ZBTB21: variants seen among roughly 807,000 people sequenced by gnomAD.
The protein encoded by ZBTB21 is zinc finger and BTB domain-containing protein 21.
A neutral mutation model predicts 39.8 loss-of-function variants in ZBTB21; 10 were observed. The observed-to-expected ratio is 0.25, with a 90% CI of 0.16 to 0.43. The LOEUF is 0.43. Ranked by LOEUF, ZBTB21 falls within the 20% of genes least tolerant of loss-of-function variation. The pLI is 1.00. For synonymous variants in ZBTB21, 551 were observed against 498.8 expected (o/e 1.10, Z -1.40); for missense variants, 1,221 against 1,296.3 (o/e 0.94, Z 0.89).
chr21:42,004,766 C>CAAATA (rs2065859414), intron 1 of ZBTB21, among the ~76,000 whole-genome samples: 1 of 152,120 alleles, frequency 6.6e-6, no homozygotes, highest in African/African-American at 2.4e-5. Context: ...TAACACAAGG[C>CAAATA]AAATACCTAG....
rs149412823 is a variant in ZBTB21 at position 41,993,265 on chromosome 21, T to C, written c.831A>G (p.Pro277=). 5.2e-4 allele frequency: 835 copies of C among 1,611,832 alleles called. 5 individuals are homozygous for C. The African/African-American group carries it at 9.2e-3, about 18-fold the overall frequency. ...ATGAGCTACAAACAGACAAAACAGG[T>C]GGCCGTGGTCTCTTCAAAGCCAGCT... is the stretch of plus-strand genomic sequence containing the variant. ...ALELALKRPR[P]PVLSVCSSSE... is the part of the protein sequence containing the mutation. The change falls in exon 3 of 3, where the codon CCA becomes CCG. Residue 277 remains proline, a synonymous_variant. Coordinates refer to ENST00000310826, the MANE Select transcript of ZBTB21 (RefSeq NM_001098402.2).
chr21:41,994,209 A>G, intron 2 of ZBTB21, 101 bp from the exon 3 acceptor site: 1 of 993,280 alleles, frequency 1.0e-6, no homozygotes, highest in Non-Finnish European at 1.5e-6. Context: ...AGGTACCAAT[A>G]TTTAGCAGAC....
intron 2 of ZBTB21, among the ~76,000 whole-genome samples, chr21:41,999,727 A>T (rs1438242149): frequency 6.6e-6 from 1 of 152,228 alleles, no homozygotes; most frequent in Non-Finnish European, 1.5e-5. Flanking sequence ...ATGGAGATAA[A>T]TGGAGGAAGA....
rs1409523712 is a variant in ZBTB21 at position 41,989,175 on chromosome 21, G to A, written c.*1720C>T. 6.6e-6 allele frequency: 1 copy of A among 151,974 alleles called. No homozygotes were observed. The highest frequency in any genetic ancestry group is 1.5e-5 in the Non-Finnish European group (1 of 67,950). The allele number at this position is 151,974 out of a possible 1,614,324, so 9.4% of individuals were successfully genotyped here. On this transcript the variant is annotated 3_prime_UTR_variant, in exon 3 of 3. Coordinates refer to ENST00000310826, the MANE Select transcript of ZBTB21 (RefSeq NM_001098402.2). ...ATAGGAAGTTAACTACTAAAATATT[G>A]TGGAATTTTGGAGTTTTTTCAAGTG...
Position 41,991,181 on chromosome 21 carries a change from G to T in ZBTB21, c.2915C>A (p.Ser972Tyr), listed in dbSNP as rs2065647595. The change falls in exon 3 of 3, where the codon TCT becomes TAT. Residue 972 changes from serine to tyrosine, a missense_variant. Physicochemically the swap from Ser to Tyr is moderately radical, Grantham distance 144. Coordinates refer to ENST00000310826, the MANE Select transcript of ZBTB21 (RefSeq NM_001098402.2). This position sits in a 1 kb window ranked among gnomAD's most constrained non-coding sequence, Gnocchi z 4.9. ...GTTTGTGGGAACAGGGCACACCTCA[G>T]ATTCCTTATGTGCCGATTCCTCTGA... ...QASEESAHKE[S>Y]EVCPVPTNSP... 8 of 1,614,046 alleles carry T rather than the reference G, an allele frequency of 5.0e-6. No individual in the cohort carries two copies. The highest frequency in any genetic ancestry group is 1.1e-5 in the South Asian group (1 of 91,074).
intron 2 of ZBTB21, among the ~76,000 whole-genome samples, chr21:41,996,725 C>T (rs1300793523): frequency 1.3e-5 from 2 of 152,174 alleles, no homozygotes; most frequent in Non-Finnish European, 2.9e-5. Context: ...TACAGTTTGG[C>T]TGTGTCCCCA....
intron 1 of ZBTB21, among the ~76,000 whole-genome samples, chr21:42,004,227 T>C (rs1430635662): frequency 6.6e-6 from 1 of 152,142 alleles, no homozygotes. Flanking sequence ...CTCGAACTCC[T>C]GACCTCAGGC....
At chr21:42,004,305 C>G (rs200239164) in intron 1 of ZBTB21, among the ~76,000 whole-genome samples, 1 of 152,112 alleles carries the variant, frequency 6.6e-6, no homozygotes, top group Non-Finnish European at 1.5e-5. Flanking sequence ...TATGAGCCAC[C>G]GCGCCCGGCC....
chr21:42,008,716 G>A (rs1007961553), intron 1 of ZBTB21, among the ~76,000 whole-genome samples: 1 of 152,010 alleles, frequency 6.6e-6, no homozygotes, highest in South Asian at 2.1e-4. Flanking sequence ...GAGGGCAGGG[G>A]TTATATCTTC....
At chr21:42,009,890 C>G (rs997695052) in intron 1 of ZBTB21, among the ~76,000 whole-genome samples, 2 of 152,186 alleles carry the variant, frequency 1.3e-5, no homozygotes, top group African/African-American at 4.8e-5. Context: ...CCGCTCCGCG[C>G]GAGGGGCGCG....
intron 1 of ZBTB21, among the ~76,000 whole-genome samples, chr21:42,006,875 G>A (rs144042588): frequency 1.3e-5 from 2 of 152,246 alleles, no homozygotes; most frequent in Non-Finnish European, 2.9e-5. Context: ...GACCAAGTAG[G>A]GACAAGAAGA....
chr21:41,994,570 A>G (rs796093812), intron 2 of ZBTB21, among the ~76,000 whole-genome samples: 21 of 152,294 alleles, frequency 1.4e-4, no homozygotes, highest in African/African-American at 4.8e-4. Context: ...AACTGTTAAC[A>G]ATTGGTTGCA....
intron 2 of ZBTB21, among the ~76,000 whole-genome samples, chr21:41,999,487 G>C (rs749697194): frequency 1.3e-5 from 2 of 152,028 alleles, no homozygotes; most frequent in Non-Finnish European, 2.9e-5. Flanking sequence ...ACTGTTCTAG[G>C]CTAACCAACC....
chr21:41,988,597 A>C lies in ZBTB21; in HGVS notation c.*2298T>G, dbSNP rs1002734483. ...TTTCAGCCTAATGCTTTTAAAGTACAGTATAAAAAGTAATAGAAAAACCAG... is the reference window on the plus strand; with the variant it reads ...TTTCAGCCTAATGCTTTTAAAGTACCGTATAAAAAGTAATAGAAAAACCAG... On this transcript the variant is annotated 3_prime_UTR_variant, in exon 3 of 3. Transcript: ENST00000310826. 6.6e-6 allele frequency: 1 copy of C among 152,200 alleles called. No individual in the cohort carries two copies. The highest frequency in any genetic ancestry group is 1.5e-5 in the Non-Finnish European group (1 of 68,016). The allele number at this position is 152,200 out of a possible 1,614,324, so 9.4% of individuals were successfully genotyped here. A position where few individuals can be genotyped will look rare whatever the true frequency, so the allele number is the denominator to read the frequency against.
intron 1 of ZBTB21, among the ~76,000 whole-genome samples, chr21:42,008,386 CG>C (rs2065907590): frequency 7.1e-6 from 1 of 141,664 alleles, no homozygotes; most frequent in South Asian, 2.2e-4. Context: ...GGCGATGTGG[CG>C]GAAGCCTGTA....
intron 1 of ZBTB21, among the ~76,000 whole-genome samples, chr21:42,009,922 C>G (rs1007790697): frequency 6.6e-6 from 1 of 152,226 alleles, no homozygotes; most frequent in African/African-American, 2.4e-5. Context: ...GGCGTGTCCC[C>G]TACCCCAGGG....
At chr21:42,004,651 C>G (rs139541510) in intron 1 of ZBTB21, among the ~76,000 whole-genome samples, 315 of 152,262 alleles carry the variant, frequency 2.1e-3, no homozygotes, top group Non-Finnish European at 3.0e-3. Flanking sequence ...CTCTTTACAT[C>G]CAGCATCAAC....
intron 2 of ZBTB21, among the ~76,000 whole-genome samples, chr21:41,996,733 C>T (rs762960438): frequency 2.6e-5 from 4 of 152,128 alleles, no homozygotes; most frequent in Non-Finnish European, 4.4e-5. Context: ...GGCTGTGTCC[C>T]CAGCAAAATC....
intron 1 of ZBTB21, among the ~76,000 whole-genome samples, chr21:42,005,247 A>G (rs997254611): frequency 1.1e-4 from 16 of 152,200 alleles, no homozygotes; most frequent in Non-Finnish European, 2.1e-4. Context: ...GCTATAGAAG[A>G]ACTGCTCTTG....
Sources: allele counts gnomAD v4.1 joint callset (sites outside exome capture counted in the v4.1 genomes callset), GRCh38; gene constraint gnomAD v4.1.1; non-coding constraint Gnocchi (gnomAD v3.1); transcripts MANE v1.5; gene names NCBI Gene and HGNC (gene_info 2026-07-23, HGNC 2026-07-21).